FOXK2: variants seen among roughly 807,000 people sequenced by gnomAD.
The protein encoded by FOXK2 is forkhead box protein K2.
FOXK2 carries 24 observed loss-of-function variants against 53.3 expected under a neutral mutation model. The observed-to-expected ratio is 0.45, with a 90% confidence interval of 0.33 to 0.63. The LOEUF (loss-of-function observed/expected upper bound fraction) is 0.63, where lower values mean the gene tolerates loss of function less well. Ranked by LOEUF, FOXK2 falls within the 30% of genes least tolerant of loss-of-function variation. The pLI is 0.03. For missense variants in FOXK2, 952 were observed against 910.5 expected, an observed-to-expected ratio of 1.05 and a Z score of -0.59; for synonymous variants, 505 against 407.1, an observed-to-expected ratio of 1.24 and a Z score of -2.89.
At chr17:82,523,793 T>C (rs1245336155) in intron 1 of FOXK2, among the ~76,000 whole-genome samples, 2 of 152,110 alleles carry the variant, frequency 1.3e-5, no homozygotes, top group Non-Finnish European at 2.9e-5. Context: ...TCTTTTTTTC[T>C]GAATTTAAGC....
intron 1 of FOXK2, among the ~76,000 whole-genome samples, chr17:82,541,795 C>T (rs187168364): frequency 2.0e-5 from 3 of 151,734 alleles, no homozygotes; most frequent in Admixed American, 6.6e-5. Flanking sequence ...ACTGCTCCCT[C>T]GAATTTCTGG....
intron 7 of FOXK2, among the ~76,000 whole-genome samples, chr17:82,586,458 G>T (rs2045163498): frequency 3.2e-5 from 1 of 30,910 alleles, no homozygotes; most frequent in Non-Finnish European, 5.9e-5. Flanking sequence ...GCCGGGGGGG[G>T]AAAGGAGGAG....
chr17:82,601,195 T>G (rs995734643), intron 8 of FOXK2, 108 bp from the exon 9 acceptor site: 69 of 1,195,598 alleles, frequency 5.8e-5, no homozygotes, highest in Non-Finnish European at 7.5e-5. Context: ...AGAGTTCACA[T>G]GAGAGCGTGG....
At chr17:82,536,173 C>T (rs376890824) in intron 1 of FOXK2, among the ~76,000 whole-genome samples, 8 of 152,234 alleles carry the variant, frequency 5.3e-5, no homozygotes, top group East Asian at 3.9e-4. Flanking sequence ...CTACGGTGCC[C>T]GGCCTGTGTT....
chr17:82,586,621 G>A (rs1046825419), intron 7 of FOXK2, among the ~76,000 whole-genome samples: 1 of 151,954 alleles, frequency 6.6e-6, no homozygotes, highest in Non-Finnish European at 1.5e-5. Flanking sequence ...CTCATCCTTG[G>A]CCAGGTACAG....
At chr17:82,569,353 A>G (rs1287002641) in intron 3 of FOXK2, among the ~76,000 whole-genome samples, 1 of 152,198 alleles carries the variant, frequency 6.6e-6, no homozygotes, top group Non-Finnish European at 1.5e-5. Context: ...CAGGCTTACA[A>G]TTGGACAGAT....
At chr17:82,582,028 C>A (rs1238334808) in intron 4 of FOXK2, among the ~76,000 whole-genome samples, 1 of 152,172 alleles carries the variant, frequency 6.6e-6, no homozygotes, top group Non-Finnish European at 1.5e-5. Flanking sequence ...CAGCCTCCTG[C>A]TCATTTTTCT....
chr17:82,570,024 C>T (rs1284223169), intron 3 of FOXK2, among the ~76,000 whole-genome samples: 2 of 150,106 alleles, frequency 1.3e-5, no homozygotes, highest in Admixed American at 6.6e-5. Flanking sequence ...AGATCGAGAC[C>T]ATCCTGGCTA....
chr17:82,533,292 C>T (rs551944431), intron 1 of FOXK2, among the ~76,000 whole-genome samples: 5 of 152,186 alleles, frequency 3.3e-5, no homozygotes, highest in Admixed American at 1.3e-4. Flanking sequence ...AGTTTGAGAC[C>T]AGCCTGGCCA....
rs562783034 is a variant in FOXK2, at chr17:82,590,966, C to T, written c.1786+3694C>T. Among the ~76,000 whole-genome samples, 7 of 152,294 alleles carry T rather than the reference C, an allele frequency of 4.6e-5. No individual in the cohort carries two copies. In the South Asian group the frequency reaches 1.5e-3, roughly 32 times the overall value. ...AGGGGGTTCCATCCTCACCCTGGCCCCAAGGGCAGCCTGGGCCGGTTCTGC... is the reference window on the plus strand; with the variant it reads ...AGGGGGTTCCATCCTCACCCTGGCCTCAAGGGCAGCCTGGGCCGGTTCTGC... On this transcript the variant is annotated intron_variant, in intron 8 of 8. Transcript: ENST00000335255.
chr17:82,588,052 C>G (rs574811768), intron 8 of FOXK2, among the ~76,000 whole-genome samples: 3 of 152,124 alleles, frequency 2.0e-5, no homozygotes, highest in Non-Finnish European at 4.4e-5. Flanking sequence ...GAATCCTTAC[C>G]GAACGCTACG....
chr17:82,560,246 G>T (rs1241030259), intron 1 of FOXK2, among the ~76,000 whole-genome samples: 1 of 152,002 alleles, frequency 6.6e-6, no homozygotes, highest in Non-Finnish European at 1.5e-5. Context: ...CTGACCTCAT[G>T]ATCTGCCTGC....
chr17:82,532,611 A>C lies in FOXK2; in HGVS notation c.419+12304A>C, dbSNP rs1026837278. Among the ~76,000 whole-genome samples the C allele has an allele frequency of 6.6e-5, 10 of 152,278 alleles. No individual in the cohort carries two copies. The East Asian group carries it at 1.9e-3, about 29-fold the overall frequency. ...ATTTTTGTTGTTTTTTTCTGAGACT[A>C]CGTCTCACTGTGTGGCCCAAGCTGG... On this transcript the variant is annotated intron_variant, in intron 1 of 8. Coordinates refer to ENST00000335255, the MANE Select transcript of FOXK2 (RefSeq NM_004514.4).
At chr17:82,548,146 A>C (rs2044644508) in intron 1 of FOXK2, among the ~76,000 whole-genome samples, 1 of 152,166 alleles carries the variant, frequency 6.6e-6, no homozygotes, top group African/African-American at 2.4e-5. Context: ...TTGGCAGATA[A>C]CTACAAGTAC....
At chr17:82,564,159 C>T (rs2044829159) in intron 2 of FOXK2, among the ~76,000 whole-genome samples, 1 of 143,786 alleles carries the variant, frequency 7.0e-6, no homozygotes, top group South Asian at 2.3e-4. Context: ...GTGATCTCGG[C>T]TCACTGCAAC....
chr17:82,567,223 T>C (rs554927614), intron 2 of FOXK2, among the ~76,000 whole-genome samples: 3 of 152,334 alleles, frequency 2.0e-5, no homozygotes, highest in Non-Finnish European at 2.9e-5. Context: ...GCAATGTTTT[T>C]CCCCAAACAC....
At chr17:82,526,874 G>C (rs7504061) in intron 1 of FOXK2, among the ~76,000 whole-genome samples, 1 of 151,524 alleles carries the variant, frequency 6.6e-6, no homozygotes, top group South Asian at 2.1e-4. Flanking sequence ...GGCCTGGTCA[G>C]CTCTTTGCCG....
At chr17:82,520,463 C>G (rs1339669190) in intron 1 of FOXK2, among the ~76,000 whole-genome samples, 156 bp downstream of exon 1, 1 of 152,292 alleles carries the variant, frequency 6.6e-6, no homozygotes. Context: ...CGGCTGGATC[C>G]CAACCCTCGA....
intron 1 of FOXK2, among the ~76,000 whole-genome samples, chr17:82,556,809 G>A (rs1169703813): frequency 6.6e-6 from 1 of 151,778 alleles, no homozygotes; most frequent in African/African-American, 2.4e-5. Context: ...CGATTCTTCA[G>A]CCTCAGCCTC....
Sources: allele counts gnomAD v4.1 joint callset (sites outside exome capture counted in the v4.1 genomes callset), GRCh38; gene constraint gnomAD v4.1.1; transcripts MANE v1.5; gene names NCBI Gene and HGNC (gene_info 2026-07-23, HGNC 2026-07-21).